The following RPS6KC1 variants were observed in gnomAD, a reference collection of about 807,000 sequenced individuals.
The protein encoded by RPS6KC1 is inactive ribosomal protein S6 kinase delta-1.
RPS6KC1 carries 54 observed loss-of-function variants against 103.8 expected under a neutral mutation model. The ratio of observed to expected loss-of-function variants is 0.52; its 90% CI spans 0.42 to 0.65. The LOEUF (loss-of-function observed/expected upper bound fraction) is 0.65, where lower values mean the gene tolerates loss of function less well. Ranked by LOEUF, RPS6KC1 falls within the 30% of genes least tolerant of loss-of-function variation. RPS6KC1 has a pLI of 0.00. For synonymous variants in RPS6KC1, 439 were observed against 438.7 expected, an observed-to-expected ratio of 1.00 and a Z score of -0.01; for missense variants, 1,151 against 1,253.8, an observed-to-expected ratio of 0.92 and a Z score of 1.24.
the RPS6KC1 span, among the ~76,000 whole-genome samples, chr1:213,343,559 C>A: frequency 6.6e-6 from 1 of 150,428 alleles, no homozygotes. Context: ...AAAAACCAAA[C>A]GTTGTATGTT....
chr1:213,362,508 G>A, the RPS6KC1 span, among the ~76,000 whole-genome samples: 1 of 152,146 alleles, frequency 6.6e-6, no homozygotes, highest in Admixed American at 6.5e-5. Context: ...AGGCCACACA[G>A]CCAGATATGA....
intron 14 of RPS6KC1, among the ~76,000 whole-genome samples, chr1:213,269,578 A>G (rs970149032): frequency 6.6e-6 from 1 of 152,244 alleles, no homozygotes; most frequent in African/African-American, 2.4e-5. Context: ...TGTATTCTGA[A>G]TTACATTGTA....
At chr1:213,344,550 T>C in the RPS6KC1 span, among the ~76,000 whole-genome samples, 7 of 152,304 alleles carry the variant, frequency 4.6e-5, no homozygotes, top group East Asian at 1.3e-3. Flanking sequence ...CTTTTTTTTT[T>C]TGAGACAGAG....
At chr1:213,569,405 C>T in the RPS6KC1 span, among the ~76,000 whole-genome samples, 1 of 152,174 alleles carries the variant, frequency 6.6e-6, no homozygotes, top group Admixed American at 6.5e-5. Context: ...GTGATCAAGG[C>T]TGCTTTTAAA....
intron 1 of RPS6KC1, among the ~76,000 whole-genome samples, chr1:213,053,264 A>T (rs1260108066): frequency 6.6e-6 from 1 of 152,230 alleles, no homozygotes; most frequent in Non-Finnish European, 1.5e-5. Flanking sequence ...TTAACAGGAA[A>T]GTTATATTGT....
the RPS6KC1 span, among the ~76,000 whole-genome samples, chr1:213,288,626 T>A: frequency 6.6e-6 from 1 of 152,356 alleles, no homozygotes; most frequent in South Asian, 2.1e-4. Flanking sequence ...ATTTGGCTTG[T>A]GTCTGGACTA....
chr1:213,328,672 A>C, the RPS6KC1 span, among the ~76,000 whole-genome samples: 1 of 151,252 alleles, frequency 6.6e-6, no homozygotes, highest in African/African-American at 2.4e-5. Flanking sequence ...AAAAGGGGAG[A>C]GGAGAAAGGA....
the RPS6KC1 span, among the ~76,000 whole-genome samples, chr1:213,356,034 C>CA: frequency 6.6e-6 from 1 of 152,156 alleles, no homozygotes; most frequent in Non-Finnish European, 1.5e-5. Context: ...GGAAAATATT[C>CA]AATACAGGTC....
the RPS6KC1 span, among the ~76,000 whole-genome samples, chr1:213,457,443 A>G: frequency 6.6e-6 from 1 of 152,176 alleles, no homozygotes; most frequent in Non-Finnish European, 1.5e-5. Context: ...TGCCTGCATT[A>G]GTTAACTCAT....
At chr1:213,173,480 G>A (rs573118697) in intron 7 of RPS6KC1, among the ~76,000 whole-genome samples, 2 of 152,132 alleles carry the variant, frequency 1.3e-5, no homozygotes, top group African/African-American at 4.8e-5. Flanking sequence ...GGCATTCAAG[G>A]CCTGTGAAAA....
the RPS6KC1 span, among the ~76,000 whole-genome samples, chr1:213,644,151 C>T: frequency 6.6e-6 from 1 of 151,828 alleles, no homozygotes; most frequent in Non-Finnish European, 1.5e-5. Flanking sequence ...TATATTTATC[C>T]ATCTAAAAAT....
At chr1:213,584,986 G>A in the RPS6KC1 span, among the ~76,000 whole-genome samples, 1 of 152,182 alleles carries the variant, frequency 6.6e-6, no homozygotes, top group East Asian at 1.9e-4. Flanking sequence ...ATTAGGGCAT[G>A]TGAGTAAGAA....
chr1:213,650,486 A>G, the RPS6KC1 span, among the ~76,000 whole-genome samples: 1 of 152,182 alleles, frequency 6.6e-6, no homozygotes, highest in Non-Finnish European at 1.5e-5. Context: ...TTTTCCTGAC[A>G]CACTCAGGGA....
chr1:213,229,396 GCT>G (rs1195863991), intron 8 of RPS6KC1, among the ~76,000 whole-genome samples: 1 of 151,720 alleles, frequency 6.6e-6, no homozygotes, highest in African/African-American at 2.4e-5. Context: ...TTGACAGCCA[GCT>G]CTCTGGTAGG....
At chr1:213,315,093 G>A in the RPS6KC1 span, among the ~76,000 whole-genome samples, 1 of 152,190 alleles carries the variant, frequency 6.6e-6, no homozygotes, top group African/African-American at 2.4e-5. Context: ...TTTAAATGAT[G>A]TGATAGAACA....
In RPS6KC1 at chr1:213,261,619, CTT is replaced by C; in HGVS notation, c.2975_2976del (p.Phe992Ter). ...ATTGGTGGAGTTTGGGTGCTGTCCT[CTT>C]TGAACTTCTCACTGGCAAGGTAAGC... Reference protein sequence around the residue: ...CDWWSLGAVLFELLTGKTLVE... With the variant: ...CDWWSLGAVLXELLTGKTLVE... On this transcript the variant is annotated frameshift_variant, in exon 13 of 15. Transcript: ENST00000366960. LOFTEE classifies it high-confidence loss of function. 1 of 1,613,970 alleles carries C rather than the reference CTT, an allele frequency of 6.2e-7. No homozygotes were observed. Among genetic ancestry groups the C allele is most frequent in the Non-Finnish European group, 8.5e-7 (1 of 1,179,882 alleles).
the RPS6KC1 span, among the ~76,000 whole-genome samples, chr1:213,347,241 T>C: frequency 1.3e-5 from 2 of 152,204 alleles, no homozygotes; most frequent in East Asian, 3.9e-4. Flanking sequence ...TGATTGGTAA[T>C]AAGATTAATG....
chr1:213,336,265 C>T, the RPS6KC1 span, among the ~76,000 whole-genome samples: 1 of 152,176 alleles, frequency 6.6e-6, no homozygotes, highest in African/African-American at 2.4e-5. Flanking sequence ...GTATTGAAGG[C>T]CCAAAGTGGT....
the RPS6KC1 span, among the ~76,000 whole-genome samples, chr1:213,571,073 A>G: frequency 2.0e-5 from 3 of 152,230 alleles, no homozygotes; most frequent in African/African-American, 4.8e-5. Context: ...GCTTTACCGA[A>G]TAGACGAATG....
Sources: gnomAD v4.1 joint callset for allele counts (sites outside exome capture counted in the v4.1 genomes callset) on GRCh38, gnomAD v4.1.1 for gene constraint, MANE v1.5 for transcripts, NCBI Gene and HGNC (gene_info 2026-07-23, HGNC 2026-07-21) for gene names.